Variants in RAPGEF6 observed in about 807,000 individuals in gnomAD.
RAPGEF6 encodes the protein Rap guanine nucleotide exchange factor 6, also known as PDZ domain containing guanine nucleotide exchange factor (GEF) 2.
A neutral mutation model predicts 171.4 loss-of-function variants in RAPGEF6; 56 were observed. The observed-to-expected ratio is 0.33, with a 90% CI of 0.26 to 0.41. The LOEUF (loss-of-function observed/expected upper bound fraction) is 0.41. RAPGEF6 is among the 10% of genes least tolerant of loss of function. RAPGEF6 has a pLI of 1.00. For missense variants in RAPGEF6, 1,674 were observed against 1,921.4 expected (o/e 0.87, Z 2.41); for synonymous variants, 692 against 650.1 (o/e 1.06, Z -0.98).
At chr5:131,495,469 A>G in intron 13 of RAPGEF6, 84 bp downstream of exon 13, 1 of 979,960 alleles carries the variant, frequency 1.0e-6, no homozygotes, top group African/African-American at 1.6e-5. Context: ...ACAGGAAAGA[A>G]TGAAAGCTAT....
intron 9 of RAPGEF6, among the ~76,000 whole-genome samples, chr5:131,506,056 T>C (rs1423151496): frequency 1.3e-5 from 2 of 152,266 alleles, no homozygotes; most frequent in Non-Finnish European, 2.9e-5. Context: ...TTTTAAGGCA[T>C]ATCTAACAAA....
intron 16 of RAPGEF6, among the ~76,000 whole-genome samples, chr5:131,473,646 G>A (rs530343640): frequency 7.2e-5 from 11 of 152,248 alleles, no homozygotes; most frequent in African/African-American, 2.6e-4. Context: ...TTTATCAAAT[G>A]CAGCATTCTG....
intron 1 of RAPGEF6, among the ~76,000 whole-genome samples, chr5:131,620,081 C>T (rs1054927128): frequency 6.6e-6 from 1 of 152,180 alleles, no homozygotes; most frequent in African/African-American, 2.4e-5. Context: ...CTTTCTGCGG[C>T]GGCTGCTTTT....
intron 24 of RAPGEF6, among the ~76,000 whole-genome samples, chr5:131,437,212 C>T (rs778385441): frequency 2.0e-5 from 3 of 152,208 alleles, no homozygotes; most frequent in Non-Finnish European, 4.4e-5. Context: ...GAATTCTAAA[C>T]ATTACTACGA....
chr5:131,629,695 G>A (rs1264339279), intron 1 of RAPGEF6, among the ~76,000 whole-genome samples: 1 of 150,978 alleles, frequency 6.6e-6, no homozygotes. Flanking sequence ...AGAGGCTGCA[G>A]TGGGCTGTGA....
At chr5:131,491,213 T>C (rs924961919) in intron 14 of RAPGEF6, among the ~76,000 whole-genome samples, 1 of 152,158 alleles carries the variant, frequency 6.6e-6, no homozygotes, top group Non-Finnish European at 1.5e-5. Context: ...GTCCTGGGAA[T>C]TGTAGGCTGT....
intron 7 of RAPGEF6, among the ~76,000 whole-genome samples, chr5:131,516,570 T>C (rs1255554508): frequency 1.3e-5 from 2 of 152,202 alleles, no homozygotes; most frequent in Admixed American, 6.5e-5. Context: ...AGGTGGTGGA[T>C]AAATGTGTGT....
chr5:131,508,345 A>G, intron 8 of RAPGEF6, 138 bp from the exon 9 acceptor site: 2 of 844,018 alleles, frequency 2.4e-6, no homozygotes, highest in Non-Finnish European at 3.5e-6. Context: ...CTAAGGTACT[A>G]TTTGACCGTT....
Position 131,429,190 on chromosome 5 carries a change from C to A in RAPGEF6, c.4492G>T (p.Asp1498Tyr). 1 of 1,611,994 alleles carries A rather than the reference C, an allele frequency of 6.2e-7. No homozygotes were observed. Among genetic ancestry groups the A allele is most frequent in the South Asian group, 1.1e-5 (1 of 91,012 alleles). The change falls in exon 27 of 28, where the codon GAC (aspartate) becomes TAC (tyrosine). Residue 1498 changes from aspartate (D) to tyrosine (Y), a missense_variant. By Grantham distance (160) the Asp-to-Tyr change is radical. This residue lies in a region of RAPGEF6 where 552 missense variants were observed against 574.2 expected (regional missense o/e 0.96). Coordinates refer to ENST00000509018, the MANE Select transcript of RAPGEF6 (RefSeq NM_016340.6). ...IVYCVTSPKK[D>Y]DRYREPPPTP... is the part of the protein sequence containing the mutation. ...GGAGGTGGCTCCCTATACCTATCGT[C>A]CTTCTTGGGTGAGGTGACACAGTAC...
At chr5:131,486,175 G>T (rs940689017) in intron 15 of RAPGEF6, among the ~76,000 whole-genome samples, 3 of 152,080 alleles carry the variant, frequency 2.0e-5, no homozygotes, top group Non-Finnish European at 4.4e-5. Context: ...TCCTTTGGTG[G>T]GCACTAAACT....
In RAPGEF6 at chr5:131,635,113, TTC is replaced by T; in HGVS notation, c.-85_-84del. 1 of 1,359,454 alleles carries T rather than the reference TTC, an allele frequency of 7.4e-7. No individual in the cohort carries two copies. 84.2% of individuals were successfully genotyped at this position (1,359,454 alleles called of 1,614,324 possible). On this transcript the variant is annotated 5_prime_UTR_variant, in exon 1 of 28. Transcript: ENST00000509018. ...ACACTAGGTAGCGGGTGCGGTACCT[TTC>T]CCCCGCCCCAAGGAGGGAACTTCGC...
At chr5:131,497,324 TG>T (rs1756702931) in intron 12 of RAPGEF6, among the ~76,000 whole-genome samples, 1 of 152,272 alleles carries the variant, frequency 6.6e-6, no homozygotes, top group Non-Finnish European at 1.5e-5. Context: ...CTTAACTTTC[TG>T]GACAGTGTCC....
chr5:131,425,886 CTTTTTTTTTT>C lies in RAPGEF6; in HGVS notation c.*1370_*1379del, dbSNP rs376096619. ...GGGTAGTGCACGTTAATGGCTTTGG[CTTTTTTTTTT>C]TTTTTTTTTTTGGTAATTACAGAAG... is the stretch of plus-strand genomic sequence containing the variant. On this transcript the variant is annotated 3_prime_UTR_variant, in exon 28 of 28. Coordinates refer to ENST00000509018, the MANE Select transcript of RAPGEF6 (RefSeq NM_016340.6). 2.4e-5 allele frequency: 2 copies of C among 84,432 alleles called. No homozygotes were observed. The highest frequency in any genetic ancestry group is 4.5e-5 in the Non-Finnish European group (2 of 43,972). 5.2% of individuals were successfully genotyped at this position (84,432 alleles called of 1,614,324 possible).
intron 4 of RAPGEF6, among the ~76,000 whole-genome samples, chr5:131,567,169 T>C (rs1204562547): frequency 1.3e-5 from 2 of 152,140 alleles, no homozygotes; most frequent in Non-Finnish European, 2.9e-5. Flanking sequence ...TTATGCCTGA[T>C]TCTGGAAATT....
intron 21 of RAPGEF6, among the ~76,000 whole-genome samples, chr5:131,452,379 A>G (rs1195539368): frequency 1.3e-5 from 2 of 152,208 alleles, no homozygotes; most frequent in African/African-American, 4.8e-5. Flanking sequence ...CATTTTTAGT[A>G]AAGTATGATT....
At chr5:131,489,381 A>C (rs1756131734) in intron 15 of RAPGEF6, among the ~76,000 whole-genome samples, 165 bp downstream of exon 15, 1 of 152,254 alleles carries the variant, frequency 6.6e-6, no homozygotes, top group South Asian at 2.1e-4. Flanking sequence ...ATGAAAAATG[A>C]AAATTCTAGA....
chr5:131,426,269 C>T lies in RAPGEF6; in HGVS notation c.*997G>A, dbSNP rs952864511. 2 of 152,202 alleles carry T rather than the reference C, an allele frequency of 1.3e-5. No individual in the cohort carries two copies. The highest frequency in any genetic ancestry group is 2.4e-5 in the African/African-American group (1 of 41,410). 9.4% of individuals were successfully genotyped at this position (152,202 alleles called of 1,614,324 possible). A position where few individuals can be genotyped will look rare whatever the true frequency, so the allele number is the denominator to read the frequency against. On this transcript the variant is annotated 3_prime_UTR_variant, in exon 28 of 28. Coordinates refer to ENST00000509018, the MANE Select transcript of RAPGEF6 (RefSeq NM_016340.6). ...GCAGAACACTGCATAAAGTCAAATT[C>T]GTCTTCATTATTACAACACCCATGA...
chr5:131,544,224 T>C (rs1406716133), intron 6 of RAPGEF6, among the ~76,000 whole-genome samples: 1 of 152,156 alleles, frequency 6.6e-6, no homozygotes, highest in Non-Finnish European at 1.5e-5. Context: ...AATGGAAGTA[T>C]AAGTATCAGC....
intron 22 of RAPGEF6, 148 bp from the exon 23 acceptor site, chr5:131,442,685 G>A: frequency 7.8e-7 from 1 of 1,287,522 alleles, no homozygotes; most frequent in Non-Finnish European, 1.0e-6. Flanking sequence ...TTTCAGTTAA[G>A]TACTATAAGA....
Sources: allele counts gnomAD v4.1 joint callset (sites outside exome capture counted in the v4.1 genomes callset), GRCh38; gene constraint gnomAD v4.1.1; regional missense constraint gnomAD v4.1.1; transcripts MANE v1.5; gene names NCBI Gene and HGNC (gene_info 2026-07-23, HGNC 2026-07-21).